MAN1B1: variants seen among roughly 807,000 people sequenced by gnomAD.
MAN1B1 encodes the protein mannosidase alpha class 1B member 1, also known as endoplasmic reticulum mannosyl-oligosaccharide 1,2-alpha-mannosidase.
MAN1B1 carries 66 observed loss-of-function variants against 75.5 expected under a neutral mutation model. That is an observed-to-expected ratio of 0.87 (90% CI 0.72 to 1.07). MAN1B1 has a LOEUF of 1.07. Among genes scored for constraint, MAN1B1 ranks in the 50% least tolerant of loss-of-function variants. The probability of loss-of-function intolerance (pLI) is 0.00; values close to 1 mark genes in which losing one functional copy is unlikely to be tolerated. For synonymous variants in MAN1B1, 453 were observed against 382.8 expected (o/e 1.18, Z -2.14); for missense variants, 973 against 912.5 (o/e 1.07, Z -0.85).
Position 137,096,033 on chromosome 9 carries a change from C to T in MAN1B1, c.466-204C>T, listed in dbSNP as rs542007222. Among the ~76,000 whole-genome samples, 9 of 152,248 alleles carry T rather than the reference C, an allele frequency of 5.9e-5. No individual in the cohort carries two copies. In the East Asian group the frequency reaches 7.7e-4, roughly 13 times the overall value. Reference sequence around the variant, plus strand: ...GGGGCTTAAGCGTTTTGTCTGGGGCCGTTTAGCCAGTCGGCAGTGTCCCCA... The same window carrying T: ...GGGGCTTAAGCGTTTTGTCTGGGGCTGTTTAGCCAGTCGGCAGTGTCCCCA... On this transcript the variant is annotated intron_variant, in intron 3 of 12. Transcript: ENST00000371589.
intron 3 of MAN1B1, among the ~76,000 whole-genome samples, chr9:137,090,423 C>T (rs1830485552): frequency 6.6e-6 from 1 of 152,168 alleles, no homozygotes; most frequent in Admixed American, 6.5e-5. Flanking sequence ...GGAACAGCTC[C>T]TGGGCTGGGG....
intron 8 of MAN1B1, 55 bp from the exon 9 acceptor site, chr9:137,106,070 T>G: frequency 7.0e-7 from 1 of 1,430,610 alleles, no homozygotes; most frequent in Non-Finnish European, 9.8e-7. Context: ...CCTCTACAGC[T>G]CACCCTGCAG....
intron 3 of MAN1B1, among the ~76,000 whole-genome samples, chr9:137,091,749 A>T (rs1564275952): frequency 1.3e-5 from 2 of 151,384 alleles, no homozygotes; most frequent in African/African-American, 4.9e-5. Flanking sequence ...GATGGTCTTG[A>T]TCACCTGACC....
intron 1 of MAN1B1, 78 bp downstream of exon 1, chr9:137,087,296 C>T: frequency 6.8e-7 from 1 of 1,478,048 alleles, no homozygotes; most frequent in Non-Finnish European, 9.1e-7. Context: ...CCGAGCGGGA[C>T]CTGGGCGGGC....
chr9:137,106,516 G>T, intron 9 of MAN1B1, 173 bp from the exon 10 acceptor site: 1 of 1,118,690 alleles, frequency 8.9e-7, no homozygotes, highest in Non-Finnish European at 1.3e-6. Context: ...GGCCTCTGGG[G>T]GGGTGAGGGG....
In MAN1B1 at chr9:137,101,480, C is replaced by G. The variant is rs778307162; in HGVS notation, c.1066-4C>G. 6.2e-7 allele frequency: 1 copy of G among 1,613,756 alleles called. No individual in the cohort carries two copies. The highest frequency in any genetic ancestry group is 1.1e-5 in the South Asian group (1 of 91,058). On this transcript the variant is annotated splice_region_variant and splice_polypyrimidine_tract_variant and intron_variant, in intron 7 of 12. Transcript: ENST00000371589. ...GTTGGTTCTCTACTCTGCTCATATA[C>G]CAGGAGGATTTTGGAAATCGGCTAA...
chr9:137,102,411 G>T (rs554397144), intron 8 of MAN1B1: 6 of 437,238 alleles, frequency 1.4e-5, no homozygotes, highest in African/African-American at 1.3e-4. Flanking sequence ...GCTGTTGCAG[G>T]CGTGCAGGTT....
Position 137,106,723 on chromosome 9 carries a change from G to A in MAN1B1, c.1480G>A (p.Val494Ile), listed in dbSNP as rs371118781. 24 of 1,613,510 alleles carry A rather than the reference G, an allele frequency of 1.5e-5. No homozygotes were observed. In the African/African-American group the frequency reaches 2.7e-4, roughly 18 times the overall value. Residue 494 changes from valine (V) to isoleucine (I), a missense_variant, in exon 10 of 13, where the codon GTC becomes ATC. By Grantham distance (29) the Val-to-Ile change is conservative. Transcript: ENST00000371589. ...AGACTACGTGGAAGCCATCGAGGGTGTCAGAACGCACCTGCTGCGGCACTC... is the reference window on the plus strand; with the variant it reads ...AGACTACGTGGAAGCCATCGAGGGTATCAGAACGCACCTGCTGCGGCACTC... ...LEDYVEAIEG[V>I]RTHLLRHSEP...
chr9:137,088,848 A>G, intron 2 of MAN1B1, 21 bp from the exon 3 acceptor site: 1 of 1,613,522 alleles, frequency 6.2e-7, no homozygotes, highest in South Asian at 1.1e-5. Context: ...TATTTGAAAT[A>G]AAATAGCTTC....
intron 3 of MAN1B1, among the ~76,000 whole-genome samples, chr9:137,091,532 T>A (rs534860758): frequency 0.038 from 5,504 of 146,160 alleles, 316 homozygotes; most frequent in African/African-American, 0.13. Context: ...TTTTTTTTTT[T>A]TTTTTTTTTT....
At position 137,108,538 on chromosome 9, in the gene MAN1B1, G is replaced by A. The variant is rs1191584687; in HGVS notation, c.2047G>A (p.Ala683Thr). 10 of 1,613,800 alleles carry A rather than the reference G, an allele frequency of 6.2e-6. No homozygotes were observed. Among genetic ancestry groups the A allele is most frequent in the African/African-American group, 2.7e-5 (2 of 74,938 alleles). The change falls in exon 13 of 13, where the codon GCC becomes ACC. Residue 683 changes from alanine to threonine, a missense_variant. By Grantham distance (58) the Ala-to-Thr change is moderately conservative. Coordinates refer to ENST00000371589, the MANE Select transcript of MAN1B1 (RefSeq NM_016219.5). ...TGACCCAAACCTGCTCAGCCTGGAT[G>A]CCTACGTGTTCAACACCGAAGCCCA... Reference protein sequence around the residue: ...SDDPNLLSLDAYVFNTEAHPL... With the variant: ...SDDPNLLSLDTYVFNTEAHPL...
At chr9:137,099,667 C>A (rs372695558) in intron 5 of MAN1B1, 29 bp from the exon 6 acceptor site, 15 of 1,612,980 alleles carry the variant, frequency 9.3e-6, no homozygotes, top group Non-Finnish European at 1.2e-5. Context: ...CCACGTCCGC[C>A]ATGGCCTGTG....
At position 137,087,221 on chromosome 9, in the gene MAN1B1, G is replaced by A; in HGVS notation, c.219+3G>A. The A allele has an allele frequency of 6.4e-7, 1 of 1,571,174 alleles. No individual in the cohort carries two copies. Among genetic ancestry groups the A allele is most frequent in the Non-Finnish European group, 8.6e-7 (1 of 1,158,610 alleles). On this transcript the variant is annotated splice_donor_region_variant and intron_variant, in intron 1 of 12. Coordinates refer to ENST00000371589, the MANE Select transcript of MAN1B1 (RefSeq NM_016219.5). ...GGCGGCGGCGCTCGTGCTGGAGGGTGAGGGTCGCGCCGGGCTGACTGGGGC... is the reference window on the plus strand; with the variant it reads ...GGCGGCGGCGCTCGTGCTGGAGGGTAAGGGTCGCGCCGGGCTGACTGGGGC...
chr9:137,108,009 G>C, intron 12 of MAN1B1: 1 of 618,576 alleles, frequency 1.6e-6, no homozygotes, highest in Non-Finnish European at 2.9e-6. Context: ...CTGTGGACCA[G>C]GCCCTGTTTT....
At position 137,106,813 on chromosome 9, in the gene MAN1B1, A is replaced by T. The variant is rs1470048227; in HGVS notation, c.1566+4A>T. 1 of 1,612,944 alleles carries T rather than the reference A, an allele frequency of 6.2e-7. No homozygotes were observed. Among genetic ancestry groups the T allele is most frequent in the Non-Finnish European group, 8.5e-7 (1 of 1,179,886 alleles). On this transcript the variant is annotated splice_donor_region_variant and intron_variant, in intron 10 of 12. Coordinates refer to ENST00000371589, the MANE Select transcript of MAN1B1 (RefSeq NM_016219.5). ...CGGCCGCTTCAGTGCCAAGATGGTG[A>T]GTGTGTCTGCGGGGCCTTCCGGCCG...
rs751680526 is a variant in MAN1B1 at position 137,108,627 on chromosome 9, C to T, written c.*36C>T. ...TGCTGGTGTGGGGACTTCGGGTGGG[C>T]AGAGGCACCTTGCTGGGTCTGTGGC... On this transcript the variant is annotated 3_prime_UTR_variant, in exon 13 of 13. Transcript: ENST00000371589. 10 of 1,594,830 alleles carry T rather than the reference C, an allele frequency of 6.3e-6. No homozygotes were observed. The highest frequency in any genetic ancestry group is 4.0e-5 in the African/African-American group (3 of 74,488).
chr9:137,108,444 G>A lies in MAN1B1; in HGVS notation c.1953G>A (p.Glu651=), dbSNP rs1244821111. ...INNVQDPQKP[E]PRDKMESFFL... ...ATGTCCAGGATCCTCAGAAGCCCGA[G>A]CCTAGGGACAAGATGGAGAGCTTCT... is the stretch of plus-strand genomic sequence containing the variant. The change falls in exon 13 of 13, where the codon GAG becomes GAA. Residue 651 remains glutamate (E), a synonymous_variant. Transcript: ENST00000371589. 4 of 1,613,828 alleles carry A rather than the reference G, an allele frequency of 2.5e-6. No individual in the cohort carries two copies. In the Admixed American group the frequency reaches 5.0e-5, roughly 20 times the overall value.
chr9:137,105,917 G>A (rs1293727914), intron 8 of MAN1B1: 2 of 691,858 alleles, frequency 2.9e-6, no homozygotes, highest in East Asian at 2.7e-5. Context: ...TGACATTCAG[G>A]TGCGTTGCAC....
rs149339002 is a variant in MAN1B1, at chr9:137,106,742, G to C, written c.1499G>C (p.Arg500Pro). The change falls in exon 10 of 13, where the codon CGG (arginine) becomes CCG (proline). Residue 500 changes from arginine (R) to proline (P), a missense_variant. Physicochemically the swap from Arg to Pro is moderately radical, Grantham distance 103. Coordinates refer to ENST00000371589, the MANE Select transcript of MAN1B1 (RefSeq NM_016219.5). ...GAGGGTGTCAGAACGCACCTGCTGC[G>C]GCACTCCGAGCCCAGTAAGCTCACC... ...AIEGVRTHLL[R>P]HSEPSKLTFV... 6.2e-7 allele frequency: 1 copy of C among 1,613,378 alleles called. No individual in the cohort carries two copies. Among genetic ancestry groups the C allele is most frequent in the Non-Finnish European group, 8.5e-7 (1 of 1,180,012 alleles).
Sources: gnomAD v4.1 joint callset for allele counts (sites outside exome capture counted in the v4.1 genomes callset) on GRCh38, gnomAD v4.1.1 for gene constraint, MANE v1.5 for transcripts, NCBI Gene and HGNC (gene_info 2026-07-23, HGNC 2026-07-21) for gene names.